The following SLC2A9 variants were observed in gnomAD, a reference collection of about 807,000 sequenced individuals.
SLC2A9 encodes the protein solute carrier family 2, facilitated glucose transporter member 9.
In SLC2A9, 39 loss-of-function variants were observed where a neutral mutation model predicts 50.6. The observed-to-expected ratio is 0.77, with a 90% CI of 0.60 to 1.01. The LOEUF (loss-of-function observed/expected upper bound fraction) is 1.01. Among genes scored for constraint, SLC2A9 ranks in the 50% least tolerant of loss-of-function variants. The pLI, the probability that SLC2A9 is intolerant of heterozygous loss-of-function variation, is 0.00. For synonymous variants in SLC2A9, 324 were observed against 276.9 expected, an observed-to-expected ratio of 1.17 and a Z score of -1.69; for missense variants, 686 against 677.6, an observed-to-expected ratio of 1.01 and a Z score of -0.14.
At chr4:9,858,834 C>T (rs1048826240) in intron 10 of SLC2A9, among the ~76,000 whole-genome samples, 7 of 152,170 alleles carry the variant, frequency 4.6e-5, no homozygotes, top group African/African-American at 1.4e-4. Flanking sequence ...GGCAGACCCA[C>T]CCTCCATCTG....
chr4:9,856,231 T>C (rs771183653), intron 10 of SLC2A9, among the ~76,000 whole-genome samples: 1 of 152,166 alleles, frequency 6.6e-6, no homozygotes, highest in African/African-American at 2.4e-5. Context: ...AAAGGTCTAA[T>C]ATCCAGAACC....
chr4:9,825,657 A>G (rs572083598), downstream of SLC2A9, among the ~76,000 whole-genome samples: 43 of 152,144 alleles, frequency 2.8e-4, no homozygotes, highest in South Asian at 8.1e-3. Flanking sequence ...TCTTCTACAC[A>G]TTGCTCTTCT....
chr4:9,908,522 T>C lies in SLC2A9; in HGVS notation c.1003-177A>G, dbSNP rs982154462. On this transcript the variant is annotated intron_variant, in intron 7 of 11. Coordinates refer to ENST00000264784, the MANE Select transcript of SLC2A9 (RefSeq NM_020041.3). Reference sequence around the variant, plus strand: ...CCTTCTCCCTTTCTTCATTACTTTTTTTCCTTATTTTATTATTTTATTTTT... The same window carrying C: ...CCTTCTCCCTTTCTTCATTACTTTTCTTCCTTATTTTATTATTTTATTTTT... Among the ~76,000 whole-genome samples the C allele has an allele frequency of 4.6e-5, 7 of 150,928 alleles. No homozygotes were observed. The East Asian group carries it at 1.4e-3, about 29-fold the overall frequency.
At chr4:9,781,505 C>T (rs564495392) in intron 3 of SLC2A9, among the ~76,000 whole-genome samples, 2 of 152,196 alleles carry the variant, frequency 1.3e-5, no homozygotes, top group African/African-American at 4.8e-5. Flanking sequence ...GCGGGATCGC[C>T]CCTACACTCT....
At chr4:9,775,247 A>T (rs1238572638), downstream of SLC2A9, among the ~76,000 whole-genome samples, 3 of 152,176 alleles carry the variant, frequency 2.0e-5, no homozygotes, top group Non-Finnish European at 4.4e-5. Flanking sequence ...TTCTCACAGC[A>T]TGGTGGCTGG....
chr4:9,960,087 G>A (rs895105240), intron 5 of SLC2A9, among the ~76,000 whole-genome samples: 6 of 27,026 alleles, frequency 2.2e-4, no homozygotes, highest in African/African-American at 2.0e-3. Context: ...TGGAAAAGCC[G>A]CAAGTCAAGA....
chr4:9,998,253 C>T (rs11732054), intron 2 of SLC2A9, among the ~76,000 whole-genome samples: 67,809 of 152,026 alleles, frequency 0.45, 16,655 homozygotes, highest in South Asian at 0.59. Flanking sequence ...AACGTGAGCC[C>T]GCAAACCTCA....
chr4:9,872,345 A>C (rs905317510), intron 10 of SLC2A9, among the ~76,000 whole-genome samples: 1 of 152,162 alleles, frequency 6.6e-6, no homozygotes. Context: ...CCATGAATGA[A>C]AGTCACATTG....
chr4:9,959,217 TA>T (rs11338281), intron 5 of SLC2A9, among the ~76,000 whole-genome samples: 75,940 of 137,148 alleles, frequency 0.55, 20,857 homozygotes, highest in African/African-American at 0.71. Context: ...CAATCTCTAC[TA>T]AAAAAAAAAA....
chr4:9,903,863 T>C (rs1215672901), intron 8 of SLC2A9, among the ~76,000 whole-genome samples: 1 of 147,414 alleles, frequency 6.8e-6, no homozygotes, highest in African/African-American at 2.5e-5. Flanking sequence ...AAATATATTT[T>C]ATATATTATA....
chr4:9,913,842 A>G (rs1397202252), intron 7 of SLC2A9, among the ~76,000 whole-genome samples: 1 of 152,214 alleles, frequency 6.6e-6, no homozygotes, highest in Non-Finnish European at 1.5e-5. Context: ...TGTCTAATCC[A>G]GCTCCACTCA....
At chr4:9,886,602 A>T (rs1323378974) in intron 10 of SLC2A9, among the ~76,000 whole-genome samples, 6 of 152,128 alleles carry the variant, frequency 3.9e-5, no homozygotes, top group Non-Finnish European at 8.8e-5. Context: ...AATGCAATAG[A>T]ACCTGGAATG....
At chr4:9,801,255 C>T (rs1721367474) in intron 3 of SLC2A9, among the ~76,000 whole-genome samples, 1 of 152,178 alleles carries the variant, frequency 6.6e-6, no homozygotes, top group Admixed American at 6.5e-5. Flanking sequence ...ACCACCTGAT[C>T]ACACACATGT....
intron 6 of SLC2A9, among the ~76,000 whole-genome samples, chr4:9,935,325 T>A (rs181132694): frequency 6.6e-6 from 1 of 152,250 alleles, no homozygotes; most frequent in Non-Finnish European, 1.5e-5. Context: ...GCCCACTTAG[T>A]GCTCATTCTG....
At chr4:9,884,773 T>G (rs1560237844) in intron 10 of SLC2A9, among the ~76,000 whole-genome samples, 1 of 152,236 alleles carries the variant, frequency 6.6e-6, no homozygotes, top group East Asian at 1.9e-4. Context: ...TCAACCCAAA[T>G]GCTCATCAAT....
intron 2 of SLC2A9, among the ~76,000 whole-genome samples, chr4:10,018,566 A>AGAT (rs1763031156): frequency 6.6e-6 from 1 of 150,628 alleles, no homozygotes; most frequent in Admixed American, 6.6e-5. Context: ...ATAGATAGAT[A>AGAT]GATAGATAGA....
intron 3 of SLC2A9, among the ~76,000 whole-genome samples, chr4:9,986,429 T>C (rs1756725998): frequency 6.6e-6 from 1 of 152,156 alleles, no homozygotes; most frequent in Admixed American, 6.5e-5. Context: ...ATGAAAAAGC[T>C]AGTCTTTTCT....
intron 11 of SLC2A9, among the ~76,000 whole-genome samples, chr4:9,834,563 A>G (rs766768664): frequency 3.3e-5 from 5 of 152,182 alleles, no homozygotes; most frequent in African/African-American, 7.2e-5. Flanking sequence ...TTTGTCTTAC[A>G]CAGTGATGAG....
At chr4:9,822,059 G>T (rs74956448), downstream of SLC2A9, among the ~76,000 whole-genome samples, 8 of 152,140 alleles carry the variant, frequency 5.3e-5, no homozygotes, top group East Asian at 5.8e-4. Context: ...TATCTGTAGG[G>T]TCTGTAGGGA....
Sources: allele counts gnomAD v4.1 joint callset (sites outside exome capture counted in the v4.1 genomes callset), GRCh38; gene constraint gnomAD v4.1.1; transcripts MANE v1.5; gene names NCBI Gene and HGNC (gene_info 2026-07-23, HGNC 2026-07-21).